The following GMEB1 variants were observed in gnomAD, a reference collection of about 807,000 sequenced individuals.
GMEB1 encodes the protein glucocorticoid modulatory element-binding protein 1.
GMEB1 carries 6 observed loss-of-function variants against 52.4 expected under a neutral mutation model. The observed-to-expected ratio is 0.11, with a 90% confidence interval of 0.06 to 0.23. The LOEUF is 0.23. GMEB1 is among the 10% of genes least tolerant of loss of function. The pLI, the probability that GMEB1 is intolerant of heterozygous loss-of-function variation, is 1.00. For missense variants in GMEB1, 486 were observed against 685.6 expected, an observed-to-expected ratio of 0.71 and a Z score of 3.25; for synonymous variants, 255 against 244.9, an observed-to-expected ratio of 1.04 and a Z score of -0.38.
intron 8 of GMEB1, among the ~76,000 whole-genome samples, chr1:28,709,725 A>G (rs1200135933): frequency 2.0e-5 from 3 of 152,108 alleles, no homozygotes; most frequent in African/African-American, 7.2e-5. Flanking sequence ...TTACAGGCAC[A>G]TGCCACCACA....
intron 1 of GMEB1, among the ~76,000 whole-genome samples, chr1:28,677,577 A>G (rs1048778449): frequency 6.6e-6 from 1 of 152,242 alleles, no homozygotes; most frequent in Non-Finnish European, 1.5e-5. Flanking sequence ...AAAGTATTAC[A>G]TCTTTTAAAT....
rs576615439 is a variant in GMEB1, at chr1:28,692,405, G to A, written c.337-537G>A. Among the ~76,000 whole-genome samples, 7 of 151,900 alleles carry A rather than the reference G, an allele frequency of 4.6e-5. No homozygotes were observed. In the East Asian group the frequency reaches 1.4e-3, roughly 29 times the overall value. On this transcript the variant is annotated intron_variant, in intron 4 of 9. Transcript: ENST00000373816. ...AAATTAGCTGGACGTGGTATTGGGC[G>A]CCTATAATTCCAGCTACTCCGGAGG...
chr1:28,686,430 A>C (rs1570397202), intron 2 of GMEB1, among the ~76,000 whole-genome samples: 1 of 151,978 alleles, frequency 6.6e-6, no homozygotes, highest in Non-Finnish European at 1.5e-5. Context: ...GGAGTTCGAG[A>C]CCAGCCTGGC....
intron 9 of GMEB1, 87 bp from the exon 10 acceptor site, chr1:28,713,986 A>C: frequency 1.0e-6 from 1 of 956,078 alleles, no homozygotes; most frequent in Non-Finnish European, 1.6e-6. Context: ...ACAAAACCAG[A>C]CAGAGACACC....
At chr1:28,679,802 CTT>C (rs762915216) in intron 1 of GMEB1, among the ~76,000 whole-genome samples, 65 of 139,492 alleles carry the variant, frequency 4.7e-4, no homozygotes, top group Admixed American at 3.6e-4. Context: ...ATGGCTCACA[CTT>C]TTTTTTTTTT....
chr1:28,704,277 G>C lies in GMEB1; in HGVS notation c.816G>C (p.Glu272Asp). The change falls in exon 8 of 10, where the codon GAG becomes GAC. Residue 272 changes from glutamate to aspartate, a missense_variant. This residue lies in a region of GMEB1 where 200 missense variants were observed against 253.5 expected (regional missense o/e 0.79). Coordinates refer to ENST00000373816, the MANE Select transcript of GMEB1 (RefSeq NM_001319674.2). ...VVCNIQKEIE[E>D]LLRGVQQRLI... ...GCAATATACAGAAGGAAATAGAGGA[G>C]CTACTCAGGGGAGTTCAGCAGCGGC... 6.2e-7 allele frequency: 1 copy of C among 1,613,872 alleles called. No individual in the cohort carries two copies. Among genetic ancestry groups the C allele is most frequent in the South Asian group, 1.1e-5 (1 of 91,052 alleles).
intron 1 of GMEB1, among the ~76,000 whole-genome samples, chr1:28,680,257 A>G (rs1345850831): frequency 6.6e-6 from 1 of 152,218 alleles, no homozygotes; most frequent in East Asian, 1.9e-4. Context: ...AGAAAATTCT[A>G]GAAGTCTTTT....
At position 28,698,441 on chromosome 1, in the gene GMEB1, C is replaced by T. The variant is rs539749824; in HGVS notation, c.598+1357C>T. Among the ~76,000 whole-genome samples the T allele has an allele frequency of 3.7e-3, 552 of 148,938 alleles. 6 individuals are homozygous for T. The highest frequency in any genetic ancestry group is 0.013 in the African/African-American group (523 of 40,368). On this transcript the variant is annotated intron_variant, in intron 6 of 9. Transcript: ENST00000373816. The stretch of plus-strand genomic sequence containing the variant: ...CTGTAATCCCAGCACTTTGGGAGGC[C>T]AAAGCGGGCAGATCTCAAGGTCAGG...
intron 4 of GMEB1, among the ~76,000 whole-genome samples, chr1:28,692,028 T>G (rs1341368511): frequency 2.7e-5 from 4 of 150,452 alleles, no homozygotes; most frequent in African/African-American, 9.8e-5. Context: ...TTTTTTTTTT[T>G]TTCAGACAGT....
At chr1:28,669,162 G>A (rs940624879) in intron 1 of GMEB1, among the ~76,000 whole-genome samples, 4 of 151,398 alleles carry the variant, frequency 2.6e-5, no homozygotes, top group African/African-American at 9.7e-5. Flanking sequence ...CACCACTGGG[G>A]GGGCCCCGGC....
intron 6 of GMEB1, among the ~76,000 whole-genome samples, chr1:28,699,035 T>C (rs1325957247): frequency 6.6e-6 from 1 of 151,530 alleles, no homozygotes; most frequent in African/African-American, 2.4e-5. Context: ...ACACAAGAGG[T>C]AGATTAGAAT....
chr1:28,718,315 T>C lies in GMEB1; in HGVS notation c.*3542T>C, dbSNP rs770159769. On this transcript the variant is annotated 3_prime_UTR_variant, in exon 10 of 10. Transcript: ENST00000373816. ...GATGTCTGGAGTTAAGAAATACATA[T>C]TTCAGCCAGGCATGGTGGCTCACAC... 1 of 152,242 alleles carries C rather than the reference T, an allele frequency of 6.6e-6. No homozygotes were observed. The highest frequency in any genetic ancestry group is 1.5e-5 in the Non-Finnish European group (1 of 68,056). 9.4% of individuals were successfully genotyped at this position (152,242 alleles called of 1,614,324 possible). A position where few individuals can be genotyped will look rare whatever the true frequency, so the allele number is the denominator to read the frequency against.
In GMEB1 at chr1:28,714,589, G is replaced by A; in HGVS notation, c.1508G>A (p.Ser503Asn). 6.2e-7 allele frequency: 1 copy of A among 1,614,180 alleles called. No individual in the cohort carries two copies. The highest frequency in any genetic ancestry group is 8.5e-7 in the Non-Finnish European group (1 of 1,180,044). The change falls in exon 10 of 10, where the codon AGC becomes AAC. Residue 503 changes from serine (S) to asparagine (N), a missense_variant. Coordinates refer to ENST00000373816, the MANE Select transcript of GMEB1 (RefSeq NM_001319674.2). ...ACCTCGGCAATTCAGGCTGTTGAAA[G>A]CACCTCAGAGGATGGGCAGACCATC... The part of the protein sequence containing the change: ...GLTSAIQAVE[S>N]TSEDGQTIIE...
At chr1:28,682,374 C>A (rs1669429895) in intron 1 of GMEB1, among the ~76,000 whole-genome samples, 1 of 152,032 alleles carries the variant, frequency 6.6e-6, no homozygotes, top group Non-Finnish European at 1.5e-5. Flanking sequence ...GAATCCAGCA[C>A]TTTGGGAGGC....
intron 1 of GMEB1, among the ~76,000 whole-genome samples, chr1:28,672,020 G>A (rs919823122): frequency 3.3e-5 from 5 of 150,396 alleles, no homozygotes; most frequent in African/African-American, 9.7e-5. Context: ...TGGGAGGCAG[G>A]AGAATTGCTT....
At position 28,714,182 on chromosome 1, in the gene GMEB1, A is replaced by C. The variant is rs752469531; in HGVS notation, c.1101A>C (p.Pro367=). 2.5e-6 allele frequency: 4 copies of C among 1,614,154 alleles called. No homozygotes were observed. Among genetic ancestry groups the C allele is most frequent in the Non-Finnish European group, 2.5e-6 (3 of 1,179,992 alleles). ...TGCCTGTGAGCACTCCTAAGCCTCC[A>C]AAAAGGCCCCGGCTCCAGCGGCCAG... is the stretch of plus-strand genomic sequence containing the variant. ...VLMPVSTPKP[P]KRPRLQRPAS... Residue 367 remains proline, a synonymous_variant, in exon 10 of 10, where the codon CCA becomes CCC. Coordinates refer to ENST00000373816, the MANE Select transcript of GMEB1 (RefSeq NM_001319674.2).
At chr1:28,684,641 A>C (rs1318180719) in intron 2 of GMEB1, among the ~76,000 whole-genome samples, 1 of 152,022 alleles carries the variant, frequency 6.6e-6, no homozygotes, top group African/African-American at 2.4e-5. Flanking sequence ...ACACAGGAAC[A>C]GAAAACCAAA....
chr1:28,681,638 A>G (rs1570389152), intron 1 of GMEB1, among the ~76,000 whole-genome samples: 1 of 152,112 alleles, frequency 6.6e-6, no homozygotes, highest in African/African-American at 2.4e-5. Context: ...GCCGTGCTTA[A>G]GTATGTGTGT....
chr1:28,689,961 A>G (rs1341118315), intron 2 of GMEB1, 143 bp from the exon 3 acceptor site: 2 of 556,376 alleles, frequency 3.6e-6, no homozygotes, highest in East Asian at 3.2e-5. Flanking sequence ...TTTAAATACA[A>G]TGGGAAACTA....
Sources: allele counts gnomAD v4.1 joint callset (sites outside exome capture counted in the v4.1 genomes callset), GRCh38; gene constraint gnomAD v4.1.1; regional missense constraint gnomAD v4.1.1; transcripts MANE v1.5; gene names NCBI Gene and HGNC (gene_info 2026-07-23, HGNC 2026-07-21).